Variants in EML1 observed in about 807,000 individuals in gnomAD.
The protein encoded by EML1 is EMAP like 1, also known as echinoderm microtubule-associated protein-like 1.
In EML1, 27 loss-of-function variants were observed where a neutral mutation model predicts 110.4. The observed-to-expected ratio is 0.24, with a 90% CI of 0.18 to 0.34. The LOEUF is 0.34. Ranked by LOEUF, EML1 falls within the 10% of genes least tolerant of loss-of-function variation. The probability of loss-of-function intolerance (pLI) is 1.00; values close to 1 mark genes in which losing one functional copy is unlikely to be tolerated. For missense variants in EML1, 741 were observed against 1,030.9 expected (o/e 0.72, Z 3.85); for synonymous variants, 344 against 385.8 (o/e 0.89, Z 1.27).
chr14:99,829,901 A>G (rs528041171), intron 1 of EML1, among the ~76,000 whole-genome samples: 2 of 152,288 alleles, frequency 1.3e-5, no homozygotes, highest in African/African-American at 4.8e-5. Context: ...CCATCCATGG[A>G]CATTTGGGTT....
intron 4 of EML1, among the ~76,000 whole-genome samples, chr14:99,887,012 C>T (rs7149833): frequency 0.059 from 8,971 of 152,222 alleles, 934 homozygotes; most frequent in African/African-American, 0.21. Flanking sequence ...CGGTGTTGAC[C>T]GCACTGGTGT....
intron 9 of EML1, among the ~76,000 whole-genome samples, chr14:99,903,829 G>A (rs1289379644): frequency 6.8e-6 from 1 of 146,114 alleles, no homozygotes. Context: ...TGTCACCCAG[G>A]CTAGAGGGCA....
intron 13 of EML1, among the ~76,000 whole-genome samples, chr14:99,913,850 C>T (rs867401228): frequency 2.0e-5 from 3 of 151,898 alleles, no homozygotes; most frequent in Admixed American, 6.6e-5. Context: ...CCACCATGCC[C>T]AGCTAATTTT....
chr14:99,772,156 G>A (rs1304385423), upstream of EML1, among the ~76,000 whole-genome samples: 3 of 152,186 alleles, frequency 2.0e-5, no homozygotes, highest in Non-Finnish European at 4.4e-5. Context: ...GCTTAATAGT[G>A]TTGATGTTTT....
At chr14:99,797,079 G>A (rs2057790478) in intron 1 of EML1, among the ~76,000 whole-genome samples, 1 of 152,186 alleles carries the variant, frequency 6.6e-6, no homozygotes, top group South Asian at 2.1e-4. Context: ...TACTCCAGAA[G>A]AAACCCTAGT....
rs77266880 is a variant in EML1, at chr14:99,842,700, G to A, written c.68-8153G>A. ...CAATATAATTTAAATATTCTGATTTGTGCAGTTTTATTAAAGCCACTGAGA... is the reference window on the plus strand; with the variant it reads ...CAATATAATTTAAATATTCTGATTTATGCAGTTTTATTAAAGCCACTGAGA... On this transcript the variant is annotated intron_variant, in intron 1 of 21. Coordinates refer to ENST00000262233, the MANE Select transcript of EML1 (RefSeq NM_004434.3). Among the ~76,000 whole-genome samples, 54 of 152,172 alleles carry A rather than the reference G, an allele frequency of 3.5e-4. No homozygotes were observed. In the East Asian group the frequency reaches 9.6e-3, roughly 27 times the overall value.
intron 2 of EML1, among the ~76,000 whole-genome samples, chr14:99,862,917 G>A (rs1459681441): frequency 6.6e-6 from 1 of 152,130 alleles, no homozygotes; most frequent in African/African-American, 2.4e-5. Flanking sequence ...AGAAACATGT[G>A]TTTATACTAA....
chr14:99,845,731 G>A (rs150012003), intron 1 of EML1, among the ~76,000 whole-genome samples: 2 of 152,258 alleles, frequency 1.3e-5, no homozygotes, highest in Admixed American at 1.3e-4. Flanking sequence ...TTCTATGTGT[G>A]AAACAATTAT....
Position 99,936,424 on chromosome 14 carries a change from G to C in EML1, c.2095+90G>C. ...GGGCCTCTGTGAGAACCCACCTCCT[G>C]TATGACTTAGGCACGTGCCATCATC... On this transcript the variant is annotated intron_variant, in intron 19 of 21. Transcript: ENST00000262233. This position sits in a 1 kb window ranked among gnomAD's most constrained non-coding sequence, Gnocchi z 5.5. The C allele has an allele frequency of 1.7e-6, 2 of 1,188,268 alleles. No individual in the cohort carries two copies. The highest frequency in any genetic ancestry group is 1.2e-6 in the Non-Finnish European group (1 of 815,326). 73.6% of individuals were successfully genotyped at this position (1,188,268 alleles called of 1,614,324 possible).
At chr14:99,790,992 G>C (rs941499620), upstream of EML1, among the ~76,000 whole-genome samples, 7 of 151,928 alleles carry the variant, frequency 4.6e-5, no homozygotes, top group Non-Finnish European at 8.8e-5. Flanking sequence ...CAAATAGCTA[G>C]GACTATAGGT....
chr14:99,738,171 C>T (rs2056992096), intron 1 of EML1, among the ~76,000 whole-genome samples: 1 of 152,200 alleles, frequency 6.6e-6, no homozygotes, highest in African/African-American at 2.4e-5. Context: ...CGACGGGACC[C>T]ATGGGTGGGC....
intron 17 of EML1, among the ~76,000 whole-genome samples, chr14:99,927,568 G>A (rs2060257447): frequency 2.0e-5 from 3 of 152,024 alleles, no homozygotes; most frequent in Non-Finnish European, 4.4e-5. Flanking sequence ...TCCAATGTTA[G>A]CTTTTCTTCT....
intron 17 of EML1, among the ~76,000 whole-genome samples, chr14:99,926,344 G>A (rs552539479): frequency 1.3e-5 from 2 of 151,974 alleles, no homozygotes; most frequent in African/African-American, 4.8e-5. Context: ...GAGTGCAGTG[G>A]CATGATTTCA....
At chr14:99,762,349 C>G (rs2057323047) in intron 1 of EML1, among the ~76,000 whole-genome samples, 1 of 148,292 alleles carries the variant, frequency 6.7e-6, no homozygotes, top group African/African-American at 2.4e-5. Flanking sequence ...TATAACCAGC[C>G]CCCTGAACAA....
At chr14:99,881,975 G>T (rs563502695) in intron 4 of EML1, among the ~76,000 whole-genome samples, 4 of 152,124 alleles carry the variant, frequency 2.6e-5, no homozygotes, top group African/African-American at 7.2e-5. Flanking sequence ...CACTGGATTT[G>T]AGTCTTTCTT....
rs994583291 is a variant in EML1 at position 99,781,172 on chromosome 14, T to TTCTAATTCTTTCC, written c.-27+7175_-27+7187dup. Among the ~76,000 whole-genome samples the TTCTAATTCTTTCC allele has an allele frequency of 6.6e-6, 1 of 151,998 alleles. No individual in the cohort carries two copies. The highest frequency in any genetic ancestry group is 1.5e-5 in the Non-Finnish European group (1 of 68,002). ...CCCTTCTCCTTGACTCGTCCCCAGC[T>TTCTAATTCTTTCC]TCTAATTCTTTCCTCTAATTCTTTC... On this transcript the variant is annotated intron_variant, in intron 1 of 22. Coordinates refer to the EML1 transcript ENST00000327921. The surrounding 1 kb of genome is among the most constrained non-coding windows in gnomAD (Gnocchi z 4.2).
At chr14:99,883,817 T>C (rs73360326) in intron 4 of EML1, among the ~76,000 whole-genome samples, 9,006 of 152,260 alleles carry the variant, frequency 0.059, 942 homozygotes, top group African/African-American at 0.21. Flanking sequence ...CCCGAAGTAC[T>C]TCAGTTGGAC....
Position 99,743,205 on chromosome 14 carries a change from G to C in EML1, c.28+5345G>C, listed in dbSNP as rs145708011. 4.3e-3 allele frequency among the ~76,000 whole-genome samples: 661 copies of C among 152,316 alleles called. 7 individuals are homozygous for C. The highest frequency in any genetic ancestry group is 0.015 in the African/African-American group (622 of 41,578). ...CCCAGCGAGGGCATGGTGAGCTGGG[G>C]CTCAGGCTGGATTCCCAGGCACAGG... On this transcript the variant is annotated intron_variant, in intron 1 of 10. Coordinates refer to the EML1 transcript ENST00000554479.
intron 1 of EML1, among the ~76,000 whole-genome samples, chr14:99,808,218 C>G (rs111991114): frequency 6.6e-6 from 1 of 152,200 alleles, no homozygotes; most frequent in Non-Finnish European, 1.5e-5. Flanking sequence ...GGCAGGGGCG[C>G]TGTGTTGTCT....
Sources: allele counts gnomAD v4.1 joint callset (sites outside exome capture counted in the v4.1 genomes callset), GRCh38; gene constraint gnomAD v4.1.1; non-coding constraint Gnocchi (gnomAD v3.1); transcripts MANE v1.5; gene names NCBI Gene and HGNC (gene_info 2026-07-23, HGNC 2026-07-21).